CRAMP1: variants seen among roughly 807,000 people sequenced by gnomAD.
The protein encoded by CRAMP1 is protein cramped-like.
In CRAMP1, 50 loss-of-function variants were observed where a neutral mutation model predicts 115.4. The observed-to-expected ratio is 0.43, with a 90% confidence interval of 0.35 to 0.55. The LOEUF (loss-of-function observed/expected upper bound fraction) is 0.55, where lower values mean the gene tolerates loss of function less well. CRAMP1 is among the 20% of genes least tolerant of loss of function. The probability of loss-of-function intolerance (pLI) is 0.01; values close to 1 mark genes in which losing one functional copy is unlikely to be tolerated. For synonymous variants in CRAMP1, 866 were observed against 745.4 expected (o/e 1.16, Z -2.64); for missense variants, 1,679 against 1,721.7 (o/e 0.98, Z 0.44).
At chr16:1,646,483 C>T (rs991478039) in intron 6 of CRAMP1, among the ~76,000 whole-genome samples, 4 of 152,186 alleles carry the variant, frequency 2.6e-5, no homozygotes, top group Admixed American at 2.6e-4. Context: ...CTTTCTCGTG[C>T]TTATTTGCTG....
intron 2 of CRAMP1, among the ~76,000 whole-genome samples, chr16:1,622,828 C>G (rs1030058530): frequency 6.7e-6 from 1 of 148,770 alleles, no homozygotes; most frequent in African/African-American, 2.5e-5. Flanking sequence ...GTGGCTAGAT[C>G]TCAGCTCACT....
At chr16:1,649,934 C>T (rs2036709370) in intron 6 of CRAMP1, among the ~76,000 whole-genome samples, 1 of 151,936 alleles carries the variant, frequency 6.6e-6, no homozygotes, top group African/African-American at 2.4e-5. Context: ...GCTGGGAGTA[C>T]AGGTGCATGC....
rs1333445872 is a variant in CRAMP1 at position 1,671,004 on chromosome 16, C to A, written c.3645+195C>A. ...GGGACGCTGGGCCGGCTCTCGTCCC[C>A]ACATGCAGAATGACAGACTTAGTCA... is the stretch of plus-strand genomic sequence containing the variant. On this transcript the variant is annotated intron_variant, in intron 20 of 20. Coordinates refer to ENST00000397412, the MANE Select transcript of CRAMP1 (RefSeq NM_020825.4). This position sits in a 1 kb window ranked among gnomAD's most constrained non-coding sequence, Gnocchi z 5.0. Among the ~76,000 whole-genome samples, 1 of 152,160 alleles carries A rather than the reference C, an allele frequency of 6.6e-6. No individual in the cohort carries two copies. The highest frequency in any genetic ancestry group is 6.5e-5 in the Admixed American group (1 of 15,278).
intron 19 of CRAMP1, 161 bp from the exon 20 acceptor site, chr16:1,670,503 C>G: frequency 1.4e-6 from 1 of 706,750 alleles, no homozygotes; most frequent in South Asian, 1.7e-5. Flanking sequence ...GAGCTCGTCA[C>G]GGCGTGTTGA....
At position 1,641,198 on chromosome 16, in the gene CRAMP1, G is replaced by C. The variant is rs1290979669; in HGVS notation, c.827+11G>C. On this transcript the variant is annotated intron_variant, in intron 6 of 20. Transcript: ENST00000397412. ...ACTCATTCAGGTTGGGTAAGTCCCAGTTTCCATGTGAAACATCACTTCTCT... is the reference window on the plus strand; with the variant it reads ...ACTCATTCAGGTTGGGTAAGTCCCACTTTCCATGTGAAACATCACTTCTCT... The C allele has an allele frequency of 6.3e-7, 1 of 1,596,292 alleles. No individual in the cohort carries two copies. The highest frequency in any genetic ancestry group is 1.3e-5 in the African/African-American group (1 of 74,572).
intron 2 of CRAMP1, among the ~76,000 whole-genome samples, chr16:1,620,382 G>A (rs374980646): frequency 6.5e-4 from 99 of 152,300 alleles, no homozygotes; most frequent in Non-Finnish European, 9.6e-4. Context: ...TTCCACGAGC[G>A]GGTGTCGCCA....
At position 1,672,090 on chromosome 16, in the gene CRAMP1, A is replaced by C. The variant is rs113535143; in HGVS notation, c.3645+1281A>C. ...AGATGGGCGCTGCGTACGTGCCCTG[A>C]GGCAGCATGCTCACGCCATGCTGTT... On this transcript the variant is annotated intron_variant, in intron 20 of 20. Coordinates refer to ENST00000397412, the MANE Select transcript of CRAMP1 (RefSeq NM_020825.4). This position sits in a 1 kb window ranked among gnomAD's most constrained non-coding sequence, Gnocchi z 4.9. 5.1e-3 allele frequency among the ~76,000 whole-genome samples: 773 copies of C among 152,290 alleles called. 3 individuals carry two copies. Among genetic ancestry groups the C allele is most frequent in the African/African-American group, 0.018 (734 of 41,554 alleles).
intron 6 of CRAMP1, 113 bp downstream of exon 6, chr16:1,641,300 A>T (rs2036629934): frequency 1.3e-6 from 1 of 788,642 alleles, no homozygotes; most frequent in Non-Finnish European, 2.2e-6. Flanking sequence ...AAAACTTCAT[A>T]ACCTCTCAGT....
chr16:1,623,168 C>CT (rs199505780), intron 2 of CRAMP1, among the ~76,000 whole-genome samples: 1 of 152,208 alleles, frequency 6.6e-6, no homozygotes, highest in Non-Finnish European at 1.5e-5. Flanking sequence ...TCTTGCTTTA[C>CT]TTTCCTCTAC....
rs750499768 is a variant in CRAMP1 at position 1,666,142 on chromosome 16, A to G, written c.2822A>G (p.Lys941Arg). ...KAALSRPIVP[K>R]VLPPQATSHL... is the part of the protein sequence containing the mutation. ...GCTCTGTCTCGGCCGATCGTGCCCA[A>G]GGTCCTTCCACCCCAGGCCACGAGT... is the stretch of plus-strand genomic sequence containing the variant. The change falls in exon 15 of 21, where the codon AAG becomes AGG. Residue 941 changes from lysine (K) to arginine (R), a missense_variant. Lys to Arg is a conservative substitution (Grantham distance 26). Coordinates refer to ENST00000397412, the MANE Select transcript of CRAMP1 (RefSeq NM_020825.4). This position sits in a 1 kb window ranked among gnomAD's most constrained non-coding sequence, Gnocchi z 5.0. 1.2e-6 allele frequency: 2 copies of G among 1,610,502 alleles called. No homozygotes were observed. Among genetic ancestry groups the G allele is most frequent in the Non-Finnish European group, 8.5e-7 (1 of 1,178,502 alleles).
chr16:1,640,464 G>A (rs1440301783), intron 5 of CRAMP1, among the ~76,000 whole-genome samples: 2 of 152,158 alleles, frequency 1.3e-5, no homozygotes, highest in East Asian at 1.9e-4. Context: ...CTGGTCGTTC[G>A]TTTGTGGAGT....
intron 8 of CRAMP1, 42 bp downstream of exon 8, chr16:1,653,198 A>G: frequency 1.9e-6 from 3 of 1,589,742 alleles, no homozygotes; most frequent in Non-Finnish European, 2.6e-6. Context: ...CAACTGCTTG[A>G]GCAGGACTGG....
chr16:1,655,592 A>G (rs1340556399), intron 9 of CRAMP1, among the ~76,000 whole-genome samples: 1 of 152,176 alleles, frequency 6.6e-6, no homozygotes, highest in South Asian at 2.1e-4. Context: ...CAGGTTGAGC[A>G]AAACGACCAA....
intron 2 of CRAMP1, among the ~76,000 whole-genome samples, chr16:1,622,452 G>A (rs2036473058): frequency 6.6e-6 from 1 of 152,230 alleles, no homozygotes; most frequent in African/African-American, 2.4e-5. Flanking sequence ...AGAGCTTGCA[G>A]TAAGCCAGGA....
intron 5 of CRAMP1, 35 bp from the exon 6 acceptor site, chr16:1,641,104 T>C (rs868366603): frequency 6.7e-7 from 1 of 1,494,172 alleles, no homozygotes; most frequent in Middle Eastern, 1.7e-4. Context: ...CCTAACTACA[T>C]TGTGGTCTCA....
At chr16:1,640,824 G>A (rs542874891) in intron 5 of CRAMP1, among the ~76,000 whole-genome samples, 47 of 152,002 alleles carry the variant, frequency 3.1e-4, no homozygotes, top group African/African-American at 6.0e-4. Context: ...GTGGAAGGCC[G>A]GCGCTGGGGG....
chr16:1,649,622 T>C (rs957551661), intron 6 of CRAMP1, among the ~76,000 whole-genome samples: 6 of 151,998 alleles, frequency 3.9e-5, no homozygotes, highest in African/African-American at 1.5e-4. Context: ...CCCGAGTAGC[T>C]GGGCCTACAG....
chr16:1,646,342 G>A (rs558885860), intron 6 of CRAMP1, among the ~76,000 whole-genome samples: 2 of 152,158 alleles, frequency 1.3e-5, no homozygotes, highest in African/African-American at 4.8e-5. Flanking sequence ...GAGAGTTGCA[G>A]TTGCTTCCCA....
In CRAMP1 at chr16:1,633,417, T is replaced by G. The variant is rs112319442; in HGVS notation, c.694+1052T>G. Among the ~76,000 whole-genome samples, 685 of 152,400 alleles carry G rather than the reference T, an allele frequency of 4.5e-3. 8 individuals are homozygous for G. The highest frequency in any genetic ancestry group is 0.016 in the African/African-American group (648 of 41,596). ...TCTGGAGATCCATGGAAACGGCTGT[T>G]GGTCTCTGCACATTAGGGGTACCCC... is the stretch of plus-strand genomic sequence containing the variant. On this transcript the variant is annotated intron_variant, in intron 4 of 20. Coordinates refer to ENST00000397412, the MANE Select transcript of CRAMP1 (RefSeq NM_020825.4).
Sources: allele counts gnomAD v4.1 joint callset (sites outside exome capture counted in the v4.1 genomes callset), GRCh38; gene constraint gnomAD v4.1.1; non-coding constraint Gnocchi (gnomAD v3.1); transcripts MANE v1.5; gene names NCBI Gene and HGNC (gene_info 2026-07-23, HGNC 2026-07-21).